The following GABBR2 variants were observed in gnomAD, a reference collection of about 807,000 sequenced individuals.
GABBR2 encodes G-protein coupled receptor 51.
Under a neutral mutation model 105.6 loss-of-function variants are expected in GABBR2, and 23 were observed. The observed-to-expected ratio is 0.22, with a 90% CI of 0.16 to 0.31. GABBR2 has a LOEUF of 0.31. Among genes scored for constraint, GABBR2 ranks in the 10% least tolerant of loss-of-function variants. The pLI is 1.00. For missense variants in GABBR2, 734 were observed against 1,245.5 expected (o/e 0.59, Z 6.18); for synonymous variants, 478 against 499.7 (o/e 0.96, Z 0.58).
chr9:98,586,949 T>C (rs565477710), intron 1 of GABBR2, among the ~76,000 whole-genome samples: 1 of 152,196 alleles, frequency 6.6e-6, no homozygotes, highest in East Asian at 1.9e-4. Context: ...ATATGAAGAG[T>C]TTCTCTAGGG....
intron 7 of GABBR2, among the ~76,000 whole-genome samples, chr9:98,412,233 G>A (rs1205342496): frequency 6.6e-6 from 1 of 152,242 alleles, no homozygotes; most frequent in South Asian, 2.1e-4. Context: ...GGGCAGGGGC[G>A]TGAAGCTACT....
Position 98,501,899 on chromosome 9 carries a change from G to C in GABBR2, c.631-5385C>G, listed in dbSNP as rs144274505. ...GGGACAGCCTCACTCATGCTGAGCAGGAGAAAATGCCGCCAGGTCAGATCA... is the reference window on the plus strand; with the variant it reads ...GGGACAGCCTCACTCATGCTGAGCACGAGAAAATGCCGCCAGGTCAGATCA... On this transcript the variant is annotated intron_variant, in intron 3 of 18. Coordinates refer to ENST00000259455, the MANE Select transcript of GABBR2 (RefSeq NM_005458.8). 3.3e-5 allele frequency among the ~76,000 whole-genome samples: 5 copies of C among 152,346 alleles called. 1 individual carries two copies. In the East Asian group the frequency reaches 9.7e-4, roughly 29 times the overall value.
At chr9:98,468,979 G>A (rs528170251) in intron 6 of GABBR2, among the ~76,000 whole-genome samples, 30 of 152,210 alleles carry the variant, frequency 2.0e-4, no homozygotes, top group Non-Finnish European at 4.4e-5. Context: ...GCCTCTACCT[G>A]CTGGATGATT....
chr9:98,580,381 T>C (rs945698271), intron 1 of GABBR2, among the ~76,000 whole-genome samples: 1 of 152,224 alleles, frequency 6.6e-6, no homozygotes, highest in Non-Finnish European at 1.5e-5. Flanking sequence ...TGTTCACTTG[T>C]AGATTGACTG....
chr9:98,589,998 G>A (rs1325195344), intron 1 of GABBR2, among the ~76,000 whole-genome samples: 2 of 152,148 alleles, frequency 1.3e-5, no homozygotes, highest in Non-Finnish European at 2.9e-5. Flanking sequence ...CAAAGTGCTA[G>A]GATAACAGGC....
At chr9:98,398,015 T>C (rs1832324936) in intron 8 of GABBR2, among the ~76,000 whole-genome samples, 1 of 152,178 alleles carries the variant, frequency 6.6e-6, no homozygotes, top group South Asian at 2.1e-4. Context: ...CACAGCCCTC[T>C]CAGCTTTTAA....
At chr9:98,446,119 T>C (rs1437272565) in intron 7 of GABBR2, among the ~76,000 whole-genome samples, 1 of 152,226 alleles carries the variant, frequency 6.6e-6, no homozygotes, top group Non-Finnish European at 1.5e-5. Flanking sequence ...TCTTACAAGT[T>C]AATAGATTTG....
chr9:98,703,368 T>C (rs1830855642), intron 1 of GABBR2, among the ~76,000 whole-genome samples: 1 of 152,218 alleles, frequency 6.6e-6, no homozygotes, highest in African/African-American at 2.4e-5. Context: ...GTCATTTGCA[T>C]CAAGAGTACT....
At chr9:98,379,674 C>T (rs1831938275) in intron 11 of GABBR2, among the ~76,000 whole-genome samples, 1 of 152,204 alleles carries the variant, frequency 6.6e-6, no homozygotes, top group African/African-American at 2.4e-5. Flanking sequence ...TTCGTTCATA[C>T]ATAATGATAA....
chr9:98,588,774 T>A (rs570678141), intron 1 of GABBR2, among the ~76,000 whole-genome samples: 1 of 152,308 alleles, frequency 6.6e-6, no homozygotes, highest in East Asian at 1.9e-4. Context: ...CCACCGAGTT[T>A]TGGGCAATGG....
chr9:98,450,939 C>T (rs1826219366), intron 7 of GABBR2, among the ~76,000 whole-genome samples: 1 of 152,136 alleles, frequency 6.6e-6, no homozygotes, highest in Admixed American at 6.6e-5. Context: ...ATGCAGAGTT[C>T]TAGGATTGTG....
chr9:98,320,270 A>G (rs1830796106), intron 13 of GABBR2, among the ~76,000 whole-genome samples: 1 of 151,830 alleles, frequency 6.6e-6, no homozygotes, highest in African/African-American at 2.4e-5. Flanking sequence ...AATCAAAACG[A>G]CAATGAGATA....
intron 6 of GABBR2, among the ~76,000 whole-genome samples, chr9:98,471,096 C>G (rs1013630001): frequency 6.6e-6 from 1 of 152,164 alleles, no homozygotes; most frequent in Non-Finnish European, 1.5e-5. Flanking sequence ...AAGCTGGACT[C>G]CATAATGTCT....
At chr9:98,564,139 A>G (rs1251670749) in intron 2 of GABBR2, among the ~76,000 whole-genome samples, 1 of 152,184 alleles carries the variant, frequency 6.6e-6, no homozygotes, top group Non-Finnish European at 1.5e-5. Context: ...GGGAGAACAC[A>G]GCCTGTGTCA....
chr9:98,623,701 G>T (rs1156996698), intron 1 of GABBR2, among the ~76,000 whole-genome samples: 1 of 152,104 alleles, frequency 6.6e-6, no homozygotes, highest in Non-Finnish European at 1.5e-5. Flanking sequence ...GTCTTCTGTT[G>T]TCACAGCTCC....
intron 7 of GABBR2, among the ~76,000 whole-genome samples, chr9:98,452,784 G>T (rs947490406): frequency 6.6e-6 from 1 of 152,192 alleles, no homozygotes; most frequent in African/African-American, 2.4e-5. Flanking sequence ...TTGAGGCTCA[G>T]AGCAAGTAGC....
At chr9:98,595,069 A>G (rs1321170374) in intron 1 of GABBR2, among the ~76,000 whole-genome samples, 2 of 152,088 alleles carry the variant, frequency 1.3e-5, no homozygotes, top group East Asian at 1.9e-4. Flanking sequence ...ATCACAAAAT[A>G]CCACAAACTG....
intron 2 of GABBR2, among the ~76,000 whole-genome samples, chr9:98,565,053 C>A (rs569418520): frequency 2.2e-4 from 33 of 152,238 alleles, no homozygotes; most frequent in African/African-American, 7.7e-4. Context: ...AGGTTCTATG[C>A]CTTAGCATGA....
intron 7 of GABBR2, among the ~76,000 whole-genome samples, chr9:98,431,130 CCTT>C (rs1367558092): frequency 6.6e-6 from 1 of 151,928 alleles, no homozygotes; most frequent in African/African-American, 2.4e-5. Flanking sequence ...TCCCTCACCT[CCTT>C]CAATGCTTTT....
Sources: allele counts gnomAD v4.1 joint callset (sites outside exome capture counted in the v4.1 genomes callset), GRCh38; gene constraint gnomAD v4.1.1; transcripts MANE v1.5; gene names NCBI Gene and HGNC (gene_info 2026-07-23, HGNC 2026-07-21).